Variants in NBEA observed in about 807,000 individuals in gnomAD.
The protein encoded by NBEA is neurobeachin.
Under a neutral mutation model 343.4 loss-of-function variants are expected in NBEA, and 44 were observed. That is an observed-to-expected ratio of 0.13 (90% CI 0.10 to 0.16). The LOEUF (loss-of-function observed/expected upper bound fraction) is 0.16, where lower values mean the gene tolerates loss of function less well. NBEA is among the 10% of genes least tolerant of loss of function. The pLI, the probability that NBEA is intolerant of heterozygous loss-of-function variation, is 1.00. For synonymous variants in NBEA, 1,175 were observed against 1,238.7 expected, an observed-to-expected ratio of 0.95 and a Z score of 1.08; for missense variants, 2,555 against 3,631.3, an observed-to-expected ratio of 0.70 and a Z score of 7.62.
chr13:35,410,884 G>A (rs959058300), intron 38 of NBEA, among the ~76,000 whole-genome samples: 1 of 152,146 alleles, frequency 6.6e-6, no homozygotes, highest in Non-Finnish European at 1.5e-5. Flanking sequence ...TCAAGTCAGA[G>A]GACTCTCTGA....
intron 33 of NBEA, among the ~76,000 whole-genome samples, chr13:35,231,259 G>A (rs2074956160): frequency 6.6e-6 from 1 of 151,978 alleles, no homozygotes; most frequent in South Asian, 2.1e-4. Flanking sequence ...TTCCAATTTA[G>A]GAAAGAAGTC....
intron 41 of NBEA, among the ~76,000 whole-genome samples, chr13:35,488,167 A>T (rs1434831742): frequency 6.6e-6 from 1 of 151,926 alleles, no homozygotes; most frequent in African/African-American, 2.4e-5. Context: ...AAGAATCAAT[A>T]GGCATAACAG....
chr13:35,457,864 C>T (rs2152950224), intron 40 of NBEA, among the ~76,000 whole-genome samples: 1 of 151,350 alleles, frequency 6.6e-6, no homozygotes, highest in South Asian at 2.1e-4. Context: ...ACCTTGGCTT[C>T]CCAAAGTGCT....
chr13:35,048,443 T>TTG (rs1161855118), intron 4 of NBEA, 120 bp from the exon 5 acceptor site: 2 of 875,092 alleles, frequency 2.3e-6, no homozygotes, highest in Non-Finnish European at 3.4e-6. Context: ...ATGGATTTGT[T>TTG]TGTGATTTTC....
At chr13:35,564,136 A>G (rs1451349134) in intron 44 of NBEA, among the ~76,000 whole-genome samples, 1 of 152,042 alleles carries the variant, frequency 6.6e-6, no homozygotes, top group Admixed American at 6.5e-5. Context: ...TGCTGTTTGC[A>G]TTGACACAGT....
chr13:35,617,507 G>A (rs2082786349), intron 48 of NBEA, among the ~76,000 whole-genome samples: 2 of 152,196 alleles, frequency 1.3e-5, no homozygotes, highest in Admixed American at 1.3e-4. Context: ...ACAAAAAGCT[G>A]TATCCATAAC....
At chr13:35,398,605 T>C (rs919411984) in intron 38 of NBEA, among the ~76,000 whole-genome samples, 3 of 152,174 alleles carry the variant, frequency 2.0e-5, no homozygotes, top group Non-Finnish European at 4.4e-5. Context: ...AAGTGCCTTG[T>C]CAATGGGCAG....
At chr13:35,412,460 TCTTTC>T in intron 38 of NBEA, among the ~76,000 whole-genome samples, 1 of 152,294 alleles carries the variant, frequency 6.6e-6, no homozygotes, top group East Asian at 1.9e-4. Context: ...TTGTCTCACC[TCTTTC>T]CTTCAATTTG....
At chr13:35,174,679 G>C (rs2070737719) in intron 27 of NBEA, among the ~76,000 whole-genome samples, 2 of 151,580 alleles carry the variant, frequency 1.3e-5, no homozygotes. Flanking sequence ...TTTGGTTTGG[G>C]AAATTAAATA....
intron 17 of NBEA, among the ~76,000 whole-genome samples, chr13:35,138,838 A>G (rs2067897470): frequency 6.6e-6 from 1 of 152,114 alleles, no homozygotes; most frequent in Non-Finnish European, 1.5e-5. Context: ...TAAACAAACT[A>G]TAAATTACCT....
At chr13:35,544,562 G>C (rs980525157) in intron 41 of NBEA, among the ~76,000 whole-genome samples, 1 of 152,144 alleles carries the variant, frequency 6.6e-6, no homozygotes, top group African/African-American at 2.4e-5. Context: ...ATTTGAGTAG[G>C]TGGTTTACAA....
Position 35,244,640 on chromosome 13 carries a change from G to A in NBEA, c.5776+12021G>A, listed in dbSNP as rs1593907891. Reference sequence around the variant, plus strand: ...ATAAATTTGAGGATTGTTTTTTCTAGTTCCGTGAAGAATGATGATTGTATT... The same window carrying A: ...ATAAATTTGAGGATTGTTTTTTCTAATTCCGTGAAGAATGATGATTGTATT... On this transcript the variant is annotated intron_variant, in intron 34 of 58. Transcript: ENST00000379939. Among the ~76,000 whole-genome samples, 12 of 151,958 alleles carry A rather than the reference G, an allele frequency of 7.9e-5. No homozygotes were observed. The South Asian group carries it at 2.1e-3, about 26-fold the overall frequency.
intron 39 of NBEA, among the ~76,000 whole-genome samples, chr13:35,447,987 G>A (rs939184729): frequency 3.9e-5 from 6 of 152,172 alleles, no homozygotes; most frequent in African/African-American, 1.4e-4. Context: ...AATTCATAAA[G>A]GATATTGTGA....
intron 1 of NBEA, among the ~76,000 whole-genome samples, chr13:34,988,559 G>A (rs1678946605): frequency 6.6e-6 from 1 of 150,992 alleles, no homozygotes; most frequent in Non-Finnish European, 1.5e-5. Context: ...AGACTGCTGT[G>A]CTAGCAGTGA....
chr13:35,662,684 T>C (rs1461236450), intron 55 of NBEA, among the ~76,000 whole-genome samples: 1 of 152,182 alleles, frequency 6.6e-6, no homozygotes, highest in Non-Finnish European at 1.5e-5. Context: ...ATAAAATATT[T>C]TAAACTCTCT....
At chr13:35,164,946 G>T in intron 24 of NBEA, 4 of 381,452 alleles carry the variant, frequency 1.0e-5, no homozygotes, top group South Asian at 8.4e-5. Flanking sequence ...TGTTAATTGT[G>T]TATGTCATTT....
chr13:35,586,206 G>A (rs1055070696), intron 46 of NBEA, among the ~76,000 whole-genome samples: 2 of 152,122 alleles, frequency 1.3e-5, no homozygotes, highest in Non-Finnish European at 2.9e-5. Flanking sequence ...CTAAATGACA[G>A]CTCTAGTTTG....
intron 36 of NBEA, among the ~76,000 whole-genome samples, chr13:35,310,835 G>T (rs1163150055): frequency 1.3e-5 from 2 of 152,142 alleles, no homozygotes; most frequent in African/African-American, 2.4e-5. Context: ...ATCTTTTCAA[G>T]TAGGGGAGTC....
intron 1 of NBEA, among the ~76,000 whole-genome samples, chr13:35,032,507 T>C (rs1286151106): frequency 6.6e-6 from 1 of 151,814 alleles, no homozygotes; most frequent in Non-Finnish European, 1.5e-5. Context: ...TTTTTTTCTC[T>C]TGTAAATTTA....
Sources: gnomAD v4.1 joint callset for allele counts (sites outside exome capture counted in the v4.1 genomes callset) on GRCh38, gnomAD v4.1.1 for gene constraint, MANE v1.5 for transcripts, NCBI Gene and HGNC (gene_info 2026-07-23, HGNC 2026-07-21) for gene names.